PCTP: variants seen among roughly 807,000 people sequenced by gnomAD.
The protein encoded by PCTP is START domain-containing protein 2.
A neutral mutation model predicts 31.0 loss-of-function variants in PCTP; 27 were observed. That is an observed-to-expected ratio of 0.87 (90% CI 0.64 to 1.20). PCTP has a LOEUF of 1.20. Ranked by LOEUF, PCTP falls within the 50% of genes most tolerant of loss-of-function variation. The probability of loss-of-function intolerance (pLI) is 0.00; values close to 1 mark genes in which losing one functional copy is unlikely to be tolerated. For synonymous variants in PCTP, 108 were observed against 101.2 expected (o/e 1.07, Z -0.40); for missense variants, 287 against 268.2 (o/e 1.07, Z -0.49).
chr17:55,829,103 GAGATTGATAGTTA>G (rs1239213453), intron 5 of PCTP, among the ~76,000 whole-genome samples: 1 of 151,982 alleles, frequency 6.6e-6, no homozygotes, highest in Non-Finnish European at 1.5e-5. Context: ...AGTTCAAGAT[GAGATTGATAGTTA>G]AGCCAGACTT....
At chr17:55,798,795 A>G (rs1405980349) in intron 3 of PCTP, among the ~76,000 whole-genome samples, 1 of 151,996 alleles carries the variant, frequency 6.6e-6, no homozygotes, top group African/African-American at 2.4e-5. Flanking sequence ...GAAAATAATG[A>G]AGAACAACAT....
intron 2 of PCTP, 76 bp downstream of exon 2, chr17:55,767,528 G>A: frequency 1.0e-6 from 1 of 999,644 alleles, no homozygotes; most frequent in South Asian, 1.4e-5. Context: ...GCAAAGGTAG[G>A]ATCTCAGCTC....
chr17:55,837,488 T>C (rs1905816602), intron 5 of PCTP, among the ~76,000 whole-genome samples: 1 of 152,184 alleles, frequency 6.6e-6, no homozygotes, highest in Non-Finnish European at 1.5e-5. Context: ...TCGACATGTC[T>C]AAAACCTATC....
At chr17:55,820,666 C>T (rs1301461763) in intron 3 of PCTP, among the ~76,000 whole-genome samples, 2 of 152,126 alleles carry the variant, frequency 1.3e-5, no homozygotes, top group East Asian at 3.9e-4. Context: ...ATCTAAAATA[C>T]ATAAAGAAAT....
chr17:55,841,586 G>GT (rs1216417234), intron 5 of PCTP, among the ~76,000 whole-genome samples: 1 of 152,150 alleles, frequency 6.6e-6, no homozygotes, highest in Non-Finnish European at 1.5e-5. Flanking sequence ...ACGGTCTGTG[G>GT]TTTTGAAGCT....
rs1910727619 is a variant in PCTP at position 55,767,430 on chromosome 17, A to C, written c.237A>C (p.Lys79Asn). Residue 79 changes from lysine (K) to asparagine (N), a missense_variant, in exon 2 of 6, where the codon AAA (lysine) becomes AAC (asparagine). Transcript: ENST00000268896. ...ADIYMDSDYR[K>N]QWDQYVKELY... ...TCTATATGGACTCAGATTACAGAAAACAATGGGACCAGTATGTTAAAGGTG... is the reference window on the plus strand; with the variant it reads ...TCTATATGGACTCAGATTACAGAAACCAATGGGACCAGTATGTTAAAGGTG... 1.2e-6 allele frequency: 2 copies of C among 1,609,318 alleles called. No individual in the cohort carries two copies. The highest frequency in any genetic ancestry group is 1.7e-6 in the Non-Finnish European group (2 of 1,176,004).
At chr17:55,823,919 T>C (rs1905311467), downstream of PCTP, among the ~76,000 whole-genome samples, 1 of 152,158 alleles carries the variant, frequency 6.6e-6, no homozygotes, top group African/African-American at 2.4e-5. Flanking sequence ...TAACTCCCTA[T>C]TGCAGACTGG....
intron 3 of PCTP, among the ~76,000 whole-genome samples, chr17:55,808,886 A>G (rs1912660842): frequency 6.6e-6 from 1 of 152,194 alleles, no homozygotes; most frequent in Non-Finnish European, 1.5e-5. Flanking sequence ...TATAGTTTCT[A>G]AGAGGTCAGC....
At chr17:55,843,651 C>T (rs1172670501), downstream of PCTP, among the ~76,000 whole-genome samples, 1 of 152,156 alleles carries the variant, frequency 6.6e-6, no homozygotes, top group Non-Finnish European at 1.5e-5. Flanking sequence ...CCATAAGACC[C>T]CAGGCAAACC....
chr17:55,773,684 C>T, intron 3 of PCTP, 40 bp from the exon 4 acceptor site: 8 of 1,571,014 alleles, frequency 5.1e-6, no homozygotes, highest in Non-Finnish European at 7.0e-6. Flanking sequence ...TGTCTGTCTA[C>T]AATGCTGGCG....
chr17:55,847,463 C>T (rs142525339), downstream of PCTP, among the ~76,000 whole-genome samples: 24 of 152,212 alleles, frequency 1.6e-4, no homozygotes, highest in African/African-American at 2.4e-4. Flanking sequence ...GGAGAGGTGA[C>T]GGTTTTAAGT....
intron 1 of PCTP, among the ~76,000 whole-genome samples, chr17:55,758,539 T>C (rs1032230670): frequency 6.6e-6 from 1 of 152,214 alleles, no homozygotes. Flanking sequence ...TTCAGGATTG[T>C]AAAACTGTTC....
At chr17:55,828,241 A>C (rs1477250303) in intron 5 of PCTP, among the ~76,000 whole-genome samples, 6 of 152,204 alleles carry the variant, frequency 3.9e-5, no homozygotes, top group African/African-American at 1.4e-4. Flanking sequence ...GTAACAAAGT[A>C]CTACAAATTG....
downstream of PCTP, among the ~76,000 whole-genome samples, chr17:55,782,369 C>A (rs1357403142): frequency 6.6e-6 from 1 of 152,192 alleles, no homozygotes; most frequent in Non-Finnish European, 1.5e-5. Flanking sequence ...AAACATTATA[C>A]TTGGTGAGAG....
chr17:55,767,553 C>T, intron 2 of PCTP, 101 bp downstream of exon 2: 2 of 724,984 alleles, frequency 2.8e-6, no homozygotes, highest in Admixed American at 2.5e-5. Flanking sequence ...CAATCTCCGC[C>T]TCCTGGGTTC....
exon 4 of PCTP, chr17:55,823,026 A>T: frequency 2.8e-6 from 1 of 357,310 alleles, no homozygotes; most frequent in Non-Finnish European, 4.9e-6. Flanking sequence ...TTATTCACAG[A>T]TGTGTTCACT....
intron 3 of PCTP, among the ~76,000 whole-genome samples, chr17:55,809,439 A>G (rs536995642): frequency 5.7e-4 from 87 of 152,274 alleles, no homozygotes; most frequent in African/African-American, 2.0e-3. Flanking sequence ...CTCAGCTAGT[A>G]AATTGTGGAA....
chr17:55,840,644 A>G (rs904986041), intron 5 of PCTP, among the ~76,000 whole-genome samples: 1 of 152,206 alleles, frequency 6.6e-6, no homozygotes, highest in African/African-American at 2.4e-5. Context: ...TTATTATGGC[A>G]TATTGTTATA....
At chr17:55,843,802 T>C (rs1350066332), downstream of PCTP, among the ~76,000 whole-genome samples, 1 of 152,188 alleles carries the variant, frequency 6.6e-6, no homozygotes. Context: ...TCTTAGTATA[T>C]ATAGTGGCTC....
Sources: gnomAD v4.1 joint callset for allele counts (sites outside exome capture counted in the v4.1 genomes callset) on GRCh38, gnomAD v4.1.1 for gene constraint, MANE v1.5 for transcripts, NCBI Gene and HGNC (gene_info 2026-07-23, HGNC 2026-07-21) for gene names.